Variants in PPIA observed in about 807,000 individuals in gnomAD.
The protein encoded by PPIA is peptidyl-prolyl cis-trans isomerase A.
PPIA carries 2 observed loss-of-function variants against 15.3 expected under a neutral mutation model. That is an observed-to-expected ratio of 0.13 (90% CI 0.05 to 0.41). PPIA has a LOEUF of 0.41. Among genes scored for constraint, PPIA ranks in the 10% least tolerant of loss-of-function variants. PPIA has a pLI of 0.99. For missense variants in PPIA, 103 were observed against 210.3 expected, an observed-to-expected ratio of 0.49 and a Z score of 3.16; for synonymous variants, 67 against 73.1, an observed-to-expected ratio of 0.92 and a Z score of 0.43.
chr7:44,798,524 T>C (rs994504872), intron 1 of PPIA: 2 of 165,700 alleles, frequency 1.2e-5, no homozygotes, highest in African/African-American at 4.8e-5. Flanking sequence ...AAAAAAAAAG[T>C]ACATTGCTAT....
At chr7:44,798,774 A>T (rs994081183) in intron 1 of PPIA, 17 of 988,626 alleles carry the variant, frequency 1.7e-5, no homozygotes, top group Non-Finnish European at 1.9e-5. Flanking sequence ...CCAAGAAGTG[A>T]CTGCTCATCT....
intron 1 of PPIA, chr7:44,799,010 T>C: frequency 8.6e-7 from 1 of 1,168,036 alleles, no homozygotes; most frequent in Non-Finnish European, 1.1e-6. Flanking sequence ...TTTCTAGAAG[T>C]CTCACTATTT....
intron 1 of PPIA, 34 bp from the exon 2 acceptor site, chr7:44,799,213 G>A (rs1453153023): frequency 6.2e-7 from 1 of 1,608,728 alleles, no homozygotes; most frequent in Non-Finnish European, 8.5e-7. Context: ...AACAAAATAA[G>A]CAGATGTTAA....
chr7:44,798,154 A>G (rs546376341), intron 1 of PPIA: 1 of 152,342 alleles, frequency 6.6e-6, no homozygotes, highest in African/African-American at 2.4e-5. Context: ...GCTTTAGCGA[A>G]AGTCTGAAAG....
chr7:44,799,758 A>G lies in PPIA; in HGVS notation c.246A>G (p.Lys82=). The change falls in exon 4 of 5, where the codon AAA becomes AAG. Residue 82 remains lysine, a synonymous_variant. Coordinates refer to ENST00000468812, the MANE Select transcript of PPIA (RefSeq NM_021130.5). ...GTGGKSIYGE[K]FEDENFILKH... ...GTGGCAAGTCCATCTATGGGGAGAA[A>G]TTTGAAGATGAGAACTTCATCCTAA... 1.2e-6 allele frequency: 2 copies of G among 1,613,998 alleles called. No homozygotes were observed. The highest frequency in any genetic ancestry group is 1.7e-6 in the Non-Finnish European group (2 of 1,179,916).
At chr7:44,797,390 C>T (rs896613389) in intron 1 of PPIA, among the ~76,000 whole-genome samples, 2 of 152,208 alleles carry the variant, frequency 1.3e-5, no homozygotes, top group African/African-American at 4.8e-5. Context: ...CTTGAAATAT[C>T]TTCCATTTGG....
rs1402847119 is a variant in PPIA at position 44,802,024 on chromosome 7, G to C, written c.*602G>C. On this transcript the variant is annotated 3_prime_UTR_variant, in exon 5 of 5. Transcript: ENST00000468812. ...TATTATCATGCCACTGTACAGCCTG[G>C]GTGTTCACAGATCTTGTGTCTCAAA... is the stretch of plus-strand genomic sequence containing the variant. 1 of 152,954 alleles carries C rather than the reference G, an allele frequency of 6.5e-6. No homozygotes were observed. Among genetic ancestry groups the C allele is most frequent in the East Asian group, 1.9e-4 (1 of 5,210 alleles). The allele number at this position is 152,954 out of a possible 1,614,324, so 9.5% of individuals were successfully genotyped here. A position where few individuals can be genotyped will look rare whatever the true frequency, so the allele number is the denominator to read the frequency against.
chr7:44,801,027 C>T (rs557683390), intron 4 of PPIA, among the ~76,000 whole-genome samples: 42 of 151,828 alleles, frequency 2.8e-4, no homozygotes, highest in Non-Finnish European at 5.3e-4. Context: ...CCGTGTTAGC[C>T]AGGATGGTCT....
chr7:44,802,813 GTCAGGACAATCTAAGCTGAGAAAACCCCT>G lies in PPIA; in HGVS notation c.*1394_*1422del, dbSNP rs1474008306. Reference sequence around the variant, plus strand: ...GTACAGTGCTTGCTGGCAGTTAGATGTCAGGACAATCTAAGCTGAGAAAACCCCTTCTCTGCCCACCTTAACAGACCTCT... The same window carrying G: ...GTACAGTGCTTGCTGGCAGTTAGATGTCTCTGCCCACCTTAACAGACCTCT... On this transcript the variant is annotated 3_prime_UTR_variant, in exon 5 of 5. Coordinates refer to ENST00000468812, the MANE Select transcript of PPIA (RefSeq NM_021130.5). 6.8e-6 allele frequency: 1 copy of G among 146,424 alleles called. No homozygotes were observed. Among genetic ancestry groups the G allele is most frequent in the Non-Finnish European group, 1.5e-5 (1 of 64,754 alleles). 9.1% of individuals were successfully genotyped at this position (146,424 alleles called of 1,614,324 possible).
Position 44,800,400 on chromosome 7 carries a change from T to C in PPIA, c.362+526T>C, listed in dbSNP as rs531664423. The C allele has an allele frequency of 3.2e-3, 178 of 55,806 alleles. 4 individuals carry two copies. In the East Asian group the frequency reaches 0.041, roughly 13 times the overall value. The allele number at this position is 55,806 out of a possible 1,614,324, so 3.5% of individuals were successfully genotyped here. A position where few individuals can be genotyped will look rare whatever the true frequency, so the allele number is the denominator to read the frequency against. ...CACTGCGCCCAACCAATTAAGTGCT[T>C]TTTTTTTTTTTTTCTTTTCTCAGAC... On this transcript the variant is annotated intron_variant, in intron 4 of 4. Coordinates refer to ENST00000468812, the MANE Select transcript of PPIA (RefSeq NM_021130.5).
chr7:44,802,783 T>C lies in PPIA; in HGVS notation c.*1361T>C, dbSNP rs1792605293. 6.6e-6 allele frequency: 1 copy of C among 152,132 alleles called. No individual in the cohort carries two copies. The highest frequency in any genetic ancestry group is 1.5e-5 in the Non-Finnish European group (1 of 68,038). 9.4% of individuals were successfully genotyped at this position (152,132 alleles called of 1,614,324 possible). ...CTAAGGACTTGGTTTCTCAGGAAAT[T>C]ATATGTACAGTGCTTGCTGGCAGTT... is the stretch of plus-strand genomic sequence containing the variant. On this transcript the variant is annotated 3_prime_UTR_variant, in exon 5 of 5. Coordinates refer to ENST00000468812, the MANE Select transcript of PPIA (RefSeq NM_021130.5).
intron 1 of PPIA, among the ~76,000 whole-genome samples, chr7:44,797,063 C>A (rs369932409): frequency 2.0e-5 from 3 of 152,306 alleles, no homozygotes; most frequent in East Asian, 3.9e-4. Context: ...CTCATGTGGC[C>A]GCGCCCTGTC....
At position 44,801,623 on chromosome 7, in the gene PPIA, TAAC is replaced by T. The variant is rs1427259052; in HGVS notation, c.*204_*206del. The T allele has an allele frequency of 4.0e-6, 2 of 504,328 alleles. No individual in the cohort carries two copies. The highest frequency in any genetic ancestry group is 2.0e-5 in the African/African-American group (1 of 50,240). The allele number at this position is 504,328 out of a possible 1,614,324, so 31.2% of individuals were successfully genotyped here. A position where few individuals can be genotyped will look rare whatever the true frequency, so the allele number is the denominator to read the frequency against. On this transcript the variant is annotated 3_prime_UTR_variant, in exon 5 of 5. Transcript: ENST00000468812. ...TTATGATTATGAAATAAAAACTAAA[TAAC>T]AATTGTCCTCGTTTGAGTTAAGAGT... is the stretch of plus-strand genomic sequence containing the variant.
At position 44,799,389 on chromosome 7, in the gene PPIA, CAG is replaced by C. The variant is rs761285608; in HGVS notation, c.101-1_101del. 15 of 1,611,126 alleles carry C rather than the reference CAG, an allele frequency of 9.3e-6. No homozygotes were observed. Among genetic ancestry groups the C allele is most frequent in the East Asian group, 2.2e-5 (1 of 44,862 alleles). On this transcript the variant is annotated splice_acceptor_variant, in intron 2 of 4. Transcript: ENST00000468812. LOFTEE classifies it high-confidence loss of function. The stretch of plus-strand genomic sequence containing the variant: ...TATATGTGTTTAATTTTTTTTTAAA[CAG>C]AAAATTTTCGTGCTCTGAGCACTGG...
At chr7:44,797,876 C>T (rs1286904884) in intron 1 of PPIA, 1 of 152,178 alleles carries the variant, frequency 6.6e-6, no homozygotes, top group Admixed American at 6.5e-5. Context: ...ATAGATTGAT[C>T]CTCATGCAGT....
rs1464708924 is a variant in PPIA at position 44,802,220 on chromosome 7, C to G, written c.*798C>G. 1 of 146,090 alleles carries G rather than the reference C, an allele frequency of 6.8e-6. No homozygotes were observed. The highest frequency in any genetic ancestry group is 1.5e-5 in the Non-Finnish European group (1 of 67,730). The allele number at this position is 146,090 out of a possible 1,614,324, so 9.0% of individuals were successfully genotyped here. ...CTGGAATGCAGTGGCGTGATCTCAG[C>G]TCACTGCAGCCTCCGCCTCCTGGGT... On this transcript the variant is annotated 3_prime_UTR_variant, in exon 5 of 5. Coordinates refer to ENST00000468812, the MANE Select transcript of PPIA (RefSeq NM_021130.5).
rs1446516980 is a variant in PPIA, at chr7:44,799,180, C to T, written c.70-67C>T. ...GAAAATGAATTTATGACTCAGAAGCCCCTAAAGACATGGGTACTAAGCAAC... is the reference window on the plus strand; with the variant it reads ...GAAAATGAATTTATGACTCAGAAGCTCCTAAAGACATGGGTACTAAGCAAC... On this transcript the variant is annotated intron_variant, in intron 1 of 4. Coordinates refer to ENST00000468812, the MANE Select transcript of PPIA (RefSeq NM_021130.5). The T allele has an allele frequency of 4.7e-6, 7 of 1,495,890 alleles. No homozygotes were observed. The African/African-American group carries it at 9.8e-5, about 21-fold the overall frequency. 92.7% of individuals were successfully genotyped at this position (1,495,890 alleles called of 1,614,324 possible). A position where few individuals can be genotyped will look rare whatever the true frequency, so the allele number is the denominator to read the frequency against.
chr7:44,798,341 C>T (rs750103730), intron 1 of PPIA: 1 of 152,134 alleles, frequency 6.6e-6, no homozygotes, highest in Non-Finnish European at 1.5e-5. Flanking sequence ...GGTGAAACCC[C>T]ACCTCTATTA....
intron 1 of PPIA, chr7:44,798,662 C>A: frequency 8.3e-6 from 7 of 840,734 alleles, no homozygotes; most frequent in Non-Finnish European, 1.0e-5. Context: ...TAAGCTACCT[C>A]TCTAGCCATA....
Sources: gnomAD v4.1 joint callset for allele counts (sites outside exome capture counted in the v4.1 genomes callset) on GRCh38, gnomAD v4.1.1 for gene constraint, MANE v1.5 for transcripts, NCBI Gene and HGNC (gene_info 2026-07-23, HGNC 2026-07-21) for gene names.